RAB11FIP3: variants seen among roughly 807,000 people sequenced by gnomAD.
RAB11FIP3 encodes the protein rab11 family-interacting protein 3.
A neutral mutation model predicts 77.8 loss-of-function variants in RAB11FIP3; 17 were observed. The ratio of observed to expected loss-of-function variants is 0.22; its 90% CI spans 0.15 to 0.33. RAB11FIP3 has a LOEUF of 0.33. Among genes scored for constraint, RAB11FIP3 ranks in the 10% least tolerant of loss-of-function variants. RAB11FIP3 has a pLI of 1.00. For missense variants in RAB11FIP3, 1,005 were observed against 1,011.2 expected, an observed-to-expected ratio of 0.99 and a Z score of 0.08; for synonymous variants, 437 against 448.2, an observed-to-expected ratio of 0.98 and a Z score of 0.31.
intron 9 of RAB11FIP3, among the ~76,000 whole-genome samples, chr16:512,703 C>T (rs2032242176): frequency 6.6e-6 from 1 of 151,778 alleles, no homozygotes; most frequent in Admixed American, 6.6e-5. Context: ...ACCACTGCAC[C>T]CAGCTATTTT....
chr16:500,994 C>T (rs1456935602), intron 6 of RAB11FIP3, among the ~76,000 whole-genome samples: 1 of 152,124 alleles, frequency 6.6e-6, no homozygotes, highest in African/African-American at 2.4e-5. Context: ...AGAACATGAT[C>T]TGTATCAGCA....
chr16:464,963 T>C (rs1202807565), intron 2 of RAB11FIP3, among the ~76,000 whole-genome samples: 1 of 152,214 alleles, frequency 6.6e-6, no homozygotes, highest in East Asian at 1.9e-4. Flanking sequence ...GCGATCTTTA[T>C]GACACTGATG....
intron 2 of RAB11FIP3, among the ~76,000 whole-genome samples, chr16:469,937 G>A (rs2055779893): frequency 6.6e-6 from 1 of 152,178 alleles, no homozygotes; most frequent in African/African-American, 2.4e-5. Context: ...AGCCTTCAGA[G>A]TAGCTAAGAC....
chr16:481,613 T>G (rs2056045306), intron 3 of RAB11FIP3, among the ~76,000 whole-genome samples: 1 of 108,082 alleles, frequency 9.3e-6, no homozygotes, highest in African/African-American at 3.7e-5. Context: ...AGCTCCTCCG[T>G]CAGTCTCTTG....
chr16:489,062 G>A (rs1332037035), intron 5 of RAB11FIP3, 62 bp downstream of exon 5: 8 of 1,535,780 alleles, frequency 5.2e-6, no homozygotes, highest in Non-Finnish European at 6.1e-6. Flanking sequence ...GTAGTGGGAA[G>A]TTTCCCTTTT....
chr16:450,345 T>C (rs1247288014), intron 1 of RAB11FIP3, among the ~76,000 whole-genome samples: 1 of 151,992 alleles, frequency 6.6e-6, no homozygotes, highest in African/African-American at 2.4e-5. Context: ...CTGGCTAATT[T>C]TTTGTATTTT....
intron 1 of RAB11FIP3, among the ~76,000 whole-genome samples, chr16:458,621 T>TGGGGGGCCTTCCTCGGGTTCA (rs2055549079): frequency 6.2e-5 from 3 of 48,440 alleles, no homozygotes; most frequent in African/African-American, 1.3e-4. Context: ...CCGATGCTCA[T>TGGGGGGCCTTCCTCGGGTTCA]CTGCCGTAAC....
At chr16:470,052 A>C (rs954472690) in intron 2 of RAB11FIP3, among the ~76,000 whole-genome samples, 7 of 150,420 alleles carry the variant, frequency 4.7e-5, no homozygotes, top group African/African-American at 1.7e-4. Context: ...TGGAGTGCAG[A>C]GTGGTGTGAT....
intron 6 of RAB11FIP3, among the ~76,000 whole-genome samples, chr16:501,236 C>G (rs545396240): frequency 6.6e-6 from 1 of 152,270 alleles, no homozygotes; most frequent in Non-Finnish European, 1.5e-5. Flanking sequence ...CGTCCCTAGC[C>G]AAGCTGTTTG....
chr16:432,270 C>T (rs1017944889), intron 1 of RAB11FIP3, among the ~76,000 whole-genome samples: 17 of 151,820 alleles, frequency 1.1e-4, no homozygotes, highest in African/African-American at 3.9e-4. Context: ...CCAGGTACTT[C>T]AGAGGTCGAG....
intron 1 of RAB11FIP3, among the ~76,000 whole-genome samples, chr16:458,462 C>T (rs5002826): frequency 4.7e-3 from 164 of 34,978 alleles, no homozygotes; most frequent in East Asian, 6.8e-3. Context: ...TCACCGATGC[C>T]CACAGGGCCT....
intron 3 of RAB11FIP3, chr16:477,626 G>A (rs2055944698): frequency 8.1e-6 from 8 of 985,446 alleles, no homozygotes; most frequent in South Asian, 4.7e-5. Context: ...GGGCCCTGCC[G>A]TCCTGCAGGA....
intron 5 of RAB11FIP3, among the ~76,000 whole-genome samples, chr16:491,936 G>A (rs970098513): frequency 1.3e-5 from 2 of 152,222 alleles, no homozygotes; most frequent in Admixed American, 1.3e-4. Context: ...GAGCATACAG[G>A]CTCATGCTGG....
At position 486,523 on chromosome 16, in the gene RAB11FIP3, G is replaced by A. The variant is rs370540314; in HGVS notation, c.1116-2328G>A. Among the ~76,000 whole-genome samples, 4 of 152,276 alleles carry A rather than the reference G, an allele frequency of 2.6e-5. No homozygotes were observed. The East Asian group carries it at 7.7e-4, about 29-fold the overall frequency. On this transcript the variant is annotated intron_variant, in intron 4 of 13. Coordinates refer to ENST00000262305, the MANE Select transcript of RAB11FIP3 (RefSeq NM_014700.4). ...TGAAAACAAAAGTATAACTCTTTTG[G>A]GGGACACACATTTTGAACAGCTCAT...
intron 3 of RAB11FIP3, among the ~76,000 whole-genome samples, chr16:473,539 GTTC>G (rs2055846501): frequency 6.6e-6 from 1 of 152,110 alleles, no homozygotes; most frequent in South Asian, 2.1e-4. Context: ...GCGCTCAAGT[GTTC>G]TTCTTTCTCA....
chr16:518,314 CAAGCAATCCT>C (rs1416158033), intron 9 of RAB11FIP3, among the ~76,000 whole-genome samples: 1 of 152,238 alleles, frequency 6.6e-6, no homozygotes, highest in Non-Finnish European at 1.5e-5. Context: ...CTCCTGGGCC[CAAGCAATCCT>C]CCCGCATTGG....
chr16:503,052 T>C lies in RAB11FIP3; in HGVS notation c.1350T>C (p.Pro450=), dbSNP rs766798951. The part of the protein sequence containing the change: ...GALTMEALED[P]SPELMEGPEE... ...TGACCATGGAGGCCCTGGAGGACCC[T>C]TCCCCCGAGCTCATGGAGGGCCCAG... is the stretch of plus-strand genomic sequence containing the variant. The change falls in exon 7 of 14, where the codon CCT becomes CCC. Residue 450 remains proline (P), a synonymous_variant. Transcript: ENST00000262305. 2.5e-6 allele frequency: 4 copies of C among 1,613,238 alleles called. No homozygotes were observed. In the Admixed American group the frequency reaches 5.0e-5, roughly 20 times the overall value.
intron 5 of RAB11FIP3, among the ~76,000 whole-genome samples, chr16:493,519 A>C (rs1361624824): frequency 6.6e-6 from 1 of 152,212 alleles, no homozygotes; most frequent in Non-Finnish European, 1.5e-5. Context: ...ACAGGCCAAT[A>C]GCTGTTGCAT....
chr16:483,214 G>A (rs1004286064), intron 4 of RAB11FIP3, among the ~76,000 whole-genome samples: 5 of 152,196 alleles, frequency 3.3e-5, no homozygotes, highest in Non-Finnish European at 7.3e-5. Context: ...AGTGGCTCAC[G>A]TGGACCTGCT....
Sources: allele counts gnomAD v4.1 joint callset (sites outside exome capture counted in the v4.1 genomes callset), GRCh38; gene constraint gnomAD v4.1.1; transcripts MANE v1.5; gene names NCBI Gene and HGNC (gene_info 2026-07-23, HGNC 2026-07-21).